The following ZNF362 variants were observed in gnomAD, a reference collection of about 807,000 sequenced individuals.
The protein encoded by ZNF362 is zinc finger protein 362.
Under a neutral mutation model 42.9 loss-of-function variants are expected in ZNF362, and 11 were observed. The observed-to-expected ratio is 0.26, with a 90% CI of 0.16 to 0.42. The LOEUF (loss-of-function observed/expected upper bound fraction) is 0.42, where lower values mean the gene tolerates loss of function less well. Ranked by LOEUF, ZNF362 falls within the 20% of genes least tolerant of loss-of-function variation. The probability of loss-of-function intolerance (pLI) is 1.00; values close to 1 mark genes in which losing one functional copy is unlikely to be tolerated. For synonymous variants in ZNF362, 255 were observed against 257.3 expected (o/e 0.99, Z 0.09); for missense variants, 362 against 576.2 (o/e 0.63, Z 3.81).
chr1:33,254,707 C>T (rs551006423), upstream of ZNF362, among the ~76,000 whole-genome samples: 7 of 149,994 alleles, frequency 4.7e-5, no homozygotes, highest in African/African-American at 7.2e-5. Flanking sequence ...AGCTCTCTCC[C>T]TGTAAAGTTA....
At chr1:33,282,896 A>G (rs1235509271) in intron 6 of ZNF362, among the ~76,000 whole-genome samples, 3 of 151,954 alleles carry the variant, frequency 2.0e-5, no homozygotes, top group African/African-American at 7.3e-5. Context: ...AAATAAAAAT[A>G]CCATTGGTAT....
chr1:33,216,687 G>A, the ZNF362 span, among the ~76,000 whole-genome samples: 3,798 of 151,152 alleles, frequency 0.025, 148 homozygotes, highest in African/African-American at 0.087. Flanking sequence ...CATTTATTTA[G>A]GATGATTTTA....
At chr1:33,191,390 CT>C in the ZNF362 span, among the ~76,000 whole-genome samples, 1 of 152,228 alleles carries the variant, frequency 6.6e-6, no homozygotes, top group Admixed American at 6.5e-5. Context: ...TTCCATTTCC[CT>C]TCTTCCTATG....
the ZNF362 span, among the ~76,000 whole-genome samples, chr1:33,192,090 A>T: frequency 2.6e-5 from 4 of 152,122 alleles, no homozygotes; most frequent in African/African-American, 9.7e-5. Flanking sequence ...AAATTAGGGG[A>T]TTTTAAAATG....
chr1:33,262,561 C>T (rs908129645), intron 1 of ZNF362, among the ~76,000 whole-genome samples: 3 of 152,100 alleles, frequency 2.0e-5, no homozygotes, highest in Non-Finnish European at 2.9e-5. Context: ...TCCGCCTTGG[C>T]CTCCCAAAGT....
rs545000749 is a variant in ZNF362 at position 33,278,868 on chromosome 1, A to C, written c.350-1256A>C. ...TGGACCACAGCTCTTTACAAAGCTC[A>C]TGCTGAGGACAAACAGGTTGTGTCC... On this transcript the variant is annotated intron_variant, in intron 4 of 8. Coordinates refer to ENST00000539719, the MANE Select transcript of ZNF362 (RefSeq NM_152493.3). 5.3e-5 allele frequency among the ~76,000 whole-genome samples: 8 copies of C among 152,336 alleles called. No homozygotes were observed. In the East Asian group the frequency reaches 1.3e-3, roughly 26 times the overall value.
At chr1:33,167,008 C>G in the ZNF362 span, among the ~76,000 whole-genome samples, 1 of 152,214 alleles carries the variant, frequency 6.6e-6, no homozygotes, top group African/African-American at 2.4e-5. This position sits in a 1 kb window ranked among gnomAD's most constrained non-coding sequence, Gnocchi z 4.2. Context: ...CCCATCACTC[C>G]CATCCAGCCA....
chr1:33,161,554 C>T, the ZNF362 span, among the ~76,000 whole-genome samples: 4 of 152,042 alleles, frequency 2.6e-5, no homozygotes, highest in African/African-American at 9.7e-5. This position sits in a 1 kb window ranked among gnomAD's most constrained non-coding sequence, Gnocchi z 4.3. Flanking sequence ...GGGCCAGCCT[C>T]GCTGCGCATG....
At chr1:33,243,096 A>G in the ZNF362 span, among the ~76,000 whole-genome samples, 10 of 148,534 alleles carry the variant, frequency 6.7e-5, no homozygotes, top group African/African-American at 2.5e-4. Flanking sequence ...TTACCAAATC[A>G]CCACAACTGT....
At chr1:33,135,493 G>A in the ZNF362 span, among the ~76,000 whole-genome samples, 3 of 152,102 alleles carry the variant, frequency 2.0e-5, no homozygotes, top group African/African-American at 7.2e-5. Flanking sequence ...CTATTATTTC[G>A]ACTCATTTCA....
At chr1:33,180,655 A>G in the ZNF362 span, among the ~76,000 whole-genome samples, 4 of 152,058 alleles carry the variant, frequency 2.6e-5, no homozygotes, top group Non-Finnish European at 5.9e-5. Context: ...CCTTTGCCCA[A>G]CTCTGATTCC....
At chr1:33,152,773 T>G in the ZNF362 span, among the ~76,000 whole-genome samples, 1 of 151,612 alleles carries the variant, frequency 6.6e-6, no homozygotes, top group Non-Finnish European at 1.5e-5. Context: ...GAGAGGGGAG[T>G]GCATTGCTCT....
rs1645994937 is a variant in ZNF362 at position 33,281,574 on chromosome 1, T to C, written c.684-13T>C. 6.2e-7 allele frequency: 1 copy of C among 1,613,740 alleles called. No homozygotes were observed. Among genetic ancestry groups the C allele is most frequent in the African/African-American group, 1.3e-5 (1 of 74,906 alleles). The stretch of plus-strand genomic sequence containing the variant: ...GGGGATCTTCCCACGTGAACCTGTC[T>C]CTTGCTCCGCAGGTGTAAGGTATGC... On this transcript the variant is annotated splice_polypyrimidine_tract_variant and intron_variant, in intron 5 of 8. Coordinates refer to ENST00000539719, the MANE Select transcript of ZNF362 (RefSeq NM_152493.3). The surrounding 1 kb of genome is among the most constrained non-coding windows in gnomAD (Gnocchi z 4.8).
the ZNF362 span, among the ~76,000 whole-genome samples, chr1:33,134,126 G>A: frequency 6.6e-6 from 1 of 152,206 alleles, no homozygotes; most frequent in Non-Finnish European, 1.5e-5. Context: ...AGCATGCTCT[G>A]AACACTTACC....
At chr1:33,185,051 G>A in the ZNF362 span, among the ~76,000 whole-genome samples, 1 of 152,078 alleles carries the variant, frequency 6.6e-6, no homozygotes, top group African/African-American at 2.4e-5. Flanking sequence ...AAAGTGCTGG[G>A]AATACAGGCA....
At chr1:33,225,265 G>A in the ZNF362 span, among the ~76,000 whole-genome samples, 1 of 152,016 alleles carries the variant, frequency 6.6e-6, no homozygotes, top group African/African-American at 2.4e-5. Context: ...CTTTGAAATG[G>A]TAACACACTT....
intron 4 of ZNF362, among the ~76,000 whole-genome samples, chr1:33,277,565 CA>C (rs1233452329): frequency 1.3e-5 from 2 of 152,092 alleles, no homozygotes; most frequent in Non-Finnish European, 2.9e-5. Flanking sequence ...ACCCGGTTGT[CA>C]GGGGGTAAGC....
At chr1:33,231,068 C>T in the ZNF362 span, among the ~76,000 whole-genome samples, 15 of 152,262 alleles carry the variant, frequency 9.9e-5, no homozygotes, top group East Asian at 3.9e-4. Context: ...ACTTCACTAA[C>T]GCTTATTGAA....
chr1:33,227,494 C>T, the ZNF362 span, among the ~76,000 whole-genome samples: 1 of 152,194 alleles, frequency 6.6e-6, no homozygotes, highest in South Asian at 2.1e-4. Flanking sequence ...TAAGCCCAGC[C>T]TTCAGCCATC....
Sources: gnomAD v4.1 joint callset for allele counts (sites outside exome capture counted in the v4.1 genomes callset) on GRCh38, gnomAD v4.1.1 for gene constraint, Gnocchi (gnomAD v3.1) non-coding constraint, MANE v1.5 for transcripts, NCBI Gene and HGNC (gene_info 2026-07-23, HGNC 2026-07-21) for gene names.